NTM: variants seen among roughly 807,000 people sequenced by gnomAD.
NTM encodes neurotrimin.
In NTM, 13 loss-of-function variants were observed where a neutral mutation model predicts 42.1. The observed-to-expected ratio is 0.31, with a 90% CI of 0.20 to 0.49. The LOEUF is 0.49. Among genes scored for constraint, NTM ranks in the 20% least tolerant of loss-of-function variants. NTM has a pLI of 0.99. For missense variants in NTM, 373 were observed against 452.8 expected (o/e 0.82, Z 1.60); for synonymous variants, 187 against 179.2 (o/e 1.04, Z -0.35).
rs146587393 is a variant in NTM at position 131,707,014 on chromosome 11, A to G, written c.83-204550A>G. Among the ~76,000 whole-genome samples the G allele has an allele frequency of 8.9e-3, 1,359 of 152,070 alleles. 24 individuals are homozygous for G. The highest frequency in any genetic ancestry group is 0.027 in the African/African-American group (1,110 of 41,522). ...GATAACTTTTAAATTTTACTTTTTA[A>G]TAACTTCAAAATATACATTATTATT... On this transcript the variant is annotated intron_variant, in intron 1 of 8. Coordinates refer to ENST00000683400, the MANE Select transcript of NTM (RefSeq NM_001352005.2).
At chr11:131,893,668 T>G (rs752336330) in intron 1 of NTM, among the ~76,000 whole-genome samples, 6 of 152,154 alleles carry the variant, frequency 3.9e-5, no homozygotes, top group African/African-American at 7.2e-5. Flanking sequence ...TTTGGATGTT[T>G]TTGGTTGCAA....
At chr11:131,568,892 C>T (rs1394709598) in intron 1 of NTM, among the ~76,000 whole-genome samples, 1 of 152,196 alleles carries the variant, frequency 6.6e-6, no homozygotes, top group African/African-American at 2.4e-5. Flanking sequence ...TGCTCTCTCT[C>T]TCTCTTTTTC....
At chr11:132,133,554 T>A (rs995985193) in intron 2 of NTM, among the ~76,000 whole-genome samples, 1 of 152,158 alleles carries the variant, frequency 6.6e-6, no homozygotes, top group African/African-American at 2.4e-5. Flanking sequence ...GGGGGATGGC[T>A]GTGAGTTGAA....
At chr11:132,116,291 A>G (rs1018361666) in intron 2 of NTM, among the ~76,000 whole-genome samples, 3 of 152,228 alleles carry the variant, frequency 2.0e-5, no homozygotes, top group African/African-American at 7.2e-5. Flanking sequence ...AGGCCAATCC[A>G]GCAAGTGCTA....
intron 1 of NTM, among the ~76,000 whole-genome samples, chr11:131,803,102 T>A (rs1354860540): frequency 6.6e-6 from 1 of 152,106 alleles, no homozygotes; most frequent in Non-Finnish European, 1.5e-5. Context: ...GACATTTGAA[T>A]GAGATTTTCC....
intron 4 of NTM, among the ~76,000 whole-genome samples, chr11:132,255,169 T>A (rs528028777): frequency 6.6e-5 from 10 of 152,222 alleles, no homozygotes; most frequent in Non-Finnish European, 1.3e-4. Flanking sequence ...CAAGATAAAT[T>A]TGAGCCTGAA....
intron 1 of NTM, among the ~76,000 whole-genome samples, chr11:131,446,513 TA>T (rs199566493): frequency 1.3e-5 from 2 of 151,942 alleles, no homozygotes; most frequent in African/African-American, 2.4e-5. Flanking sequence ...GTTAGAACAT[TA>T]AAAAAAATGA....
At chr11:132,267,449 A>G (rs190979802) in intron 4 of NTM, among the ~76,000 whole-genome samples, 2 of 146,956 alleles carry the variant, frequency 1.4e-5, no homozygotes, top group East Asian at 4.0e-4. Context: ...TCAAATCCAC[A>G]CGCAAGCCCT....
intron 8 of NTM, chr11:132,332,332 G>A (rs1431447846): frequency 6.6e-6 from 1 of 152,656 alleles, no homozygotes; most frequent in Non-Finnish European, 1.5e-5. Flanking sequence ...GTACCTGTGG[G>A]GTGGGCTGCG....
rs562528265 is a variant in NTM, at chr11:132,255,036, C to T, written c.526+42889C>T. ...CCATTTGGGAAGCACAGCCCTAGCC[C>T]ACAGCCTGCAGCCTTGCTTCTAGAA... On this transcript the variant is annotated intron_variant, in intron 4 of 8. Coordinates refer to ENST00000683400, the MANE Select transcript of NTM (RefSeq NM_001352005.2). Among the ~76,000 whole-genome samples, 21 of 152,334 alleles carry T rather than the reference C, an allele frequency of 1.4e-4. No individual in the cohort carries two copies. In the South Asian group the frequency reaches 4.4e-3, roughly 32 times the overall value.
intron 1 of NTM, among the ~76,000 whole-genome samples, chr11:131,712,613 A>ATTTT (rs552963623): frequency 6.8e-4 from 100 of 146,352 alleles, no homozygotes; most frequent in African/African-American, 2.1e-3. Flanking sequence ...GAGACAAGTG[A>ATTTT]TTTTTTTTTT....
chr11:131,373,915 C>T lies in NTM; in HGVS notation c.82+3027C>T, dbSNP rs142246900. Among the ~76,000 whole-genome samples, 357 of 152,340 alleles carry T rather than the reference C, an allele frequency of 2.3e-3. 2 individuals carry two copies. The highest frequency in any genetic ancestry group is 6.8e-3 in the Middle Eastern group (2 of 294). On this transcript the variant is annotated intron_variant, in intron 1 of 8. Transcript: ENST00000683400. ...CCTCGGCAAAGTTCACACTCCCCTT[C>T]GCGCAGCACCCGGGAGGTGGGCGGT...
intron 2 of NTM, among the ~76,000 whole-genome samples, chr11:131,979,783 G>T (rs963020779): frequency 6.6e-6 from 1 of 152,188 alleles, no homozygotes; most frequent in African/African-American, 2.4e-5. Flanking sequence ...ACTTGAAATG[G>T]CAACATTATG....
intron 2 of NTM, among the ~76,000 whole-genome samples, chr11:132,141,653 C>G (rs572424715): frequency 6.6e-6 from 1 of 152,122 alleles, no homozygotes; most frequent in African/African-American, 2.4e-5. Context: ...CTCAATAATC[C>G]CTGCTCAAAC....
At chr11:131,828,980 CTCTCTCTCTG>C (rs1321770912) in intron 1 of NTM, among the ~76,000 whole-genome samples, 2 of 151,942 alleles carry the variant, frequency 1.3e-5, no homozygotes, top group African/African-American at 4.8e-5. Flanking sequence ...CTCTCCCTCT[CTCTCTCTCTG>C]TCTCTCTCTG....
chr11:131,490,965 C>T (rs995132858), intron 1 of NTM, among the ~76,000 whole-genome samples: 2 of 152,174 alleles, frequency 1.3e-5, no homozygotes, highest in African/African-American at 4.8e-5. Flanking sequence ...GTGTCTACTG[C>T]CTACAATGCA....
chr11:132,199,192 A>G (rs1249416305), intron 3 of NTM, among the ~76,000 whole-genome samples: 1 of 152,214 alleles, frequency 6.6e-6, no homozygotes, highest in Non-Finnish European at 1.5e-5. Flanking sequence ...ATCATGAAAC[A>G]TCAGCAGGAG....
intron 1 of NTM, among the ~76,000 whole-genome samples, chr11:131,859,074 A>ACATC (rs772277900): frequency 1.1e-4 from 17 of 152,082 alleles, no homozygotes; most frequent in African/African-American, 1.7e-4. Flanking sequence ...TTCCCCTTCA[A>ACATC]CATCCATCCA....
At chr11:131,867,724 G>A (rs1020946914) in intron 1 of NTM, among the ~76,000 whole-genome samples, 1 of 152,156 alleles carries the variant, frequency 6.6e-6, no homozygotes, top group Admixed American at 6.5e-5. Context: ...GGGTGTCTGT[G>A]TGTGTAAATG....
Sources: gnomAD v4.1 joint callset for allele counts (sites outside exome capture counted in the v4.1 genomes callset) on GRCh38, gnomAD v4.1.1 for gene constraint, MANE v1.5 for transcripts, NCBI Gene and HGNC (gene_info 2026-07-23, HGNC 2026-07-21) for gene names.